NDRG4: variants seen among roughly 807,000 people sequenced by gnomAD.
NDRG4 encodes the protein NDRG family member 4.
NDRG4 carries 38 observed loss-of-function variants against 55.8 expected under a neutral mutation model. The observed-to-expected ratio is 0.68, with a 90% CI of 0.53 to 0.89. The LOEUF is 0.89. NDRG4 is among the 40% of genes least tolerant of loss of function. The probability of loss-of-function intolerance (pLI) is 0.00; values close to 1 mark genes in which losing one functional copy is unlikely to be tolerated. For synonymous variants in NDRG4, 190 were observed against 182.7 expected (o/e 1.04, Z -0.32); for missense variants, 455 against 468.6 (o/e 0.97, Z 0.27).
In NDRG4 at chr16:58,503,669, T is replaced by A. The variant is rs759540411; in HGVS notation, c.22-129T>A. ...CCTCTCTGGGGGCTTCTTGGGGTGA[T>A]GAGAACAGGATGCCCCAAGTAGGGG... On this transcript the variant is annotated intron_variant, in intron 1 of 14. Coordinates refer to ENST00000570248, the MANE Select transcript of NDRG4 (RefSeq NM_001242835.2). The A allele has an allele frequency of 2.0e-6, 3 of 1,536,914 alleles. No individual in the cohort carries two copies. In the Admixed American group the frequency reaches 5.9e-5, roughly 30 times the overall value.
chr16:58,512,156 G>A lies in NDRG4; in HGVS notation c.*580G>A. 1 of 454,520 alleles carries A rather than the reference G, an allele frequency of 2.2e-6. No individual in the cohort carries two copies. The highest frequency in any genetic ancestry group is 1.6e-5 in the South Asian group (1 of 64,192). 28.2% of individuals were successfully genotyped at this position (454,520 alleles called of 1,614,324 possible). A position where few individuals can be genotyped will look rare whatever the true frequency, so the allele number is the denominator to read the frequency against. ...GGTGCTGTAGGGCCACGCAGGCAGGGGCGTCAAGGGGTTTCTCTGCCCAAG... is the reference window on the plus strand; with the variant it reads ...GGTGCTGTAGGGCCACGCAGGCAGGAGCGTCAAGGGGTTTCTCTGCCCAAG... On this transcript the variant is annotated 3_prime_UTR_variant, in exon 15 of 15. Transcript: ENST00000570248.
At position 58,464,787 on chromosome 16, in the gene NDRG4, T is replaced by C; in HGVS notation, c.-24+990T>C. The C allele has an allele frequency of 7.8e-7, 1 of 1,279,786 alleles. No individual in the cohort carries two copies. The highest frequency in any genetic ancestry group is 9.9e-7 in the Non-Finnish European group (1 of 1,013,998). The allele number at this position is 1,279,786 out of a possible 1,614,324, so 79.3% of individuals were successfully genotyped here. On this transcript the variant is annotated intron_variant, in intron 1 of 15. Transcript: ENST00000258187. The surrounding 1 kb of genome is among the most constrained non-coding windows in gnomAD (Gnocchi z 4.8). ...CTCCTGCCCTCCAATCAGTGTCGCT[T>C]GTCCCCTAAGAAAGGACCCGTGGGC... is the stretch of plus-strand genomic sequence containing the variant.
intron 1 of NDRG4, among the ~76,000 whole-genome samples, chr16:58,479,828 G>C (rs750074728): frequency 1.3e-5 from 2 of 152,204 alleles, no homozygotes; most frequent in South Asian, 4.1e-4. Flanking sequence ...ATTGTTTCAC[G>C]TGCATTTCTC....
chr16:58,469,310 G>T (rs1260485498), intron 1 of NDRG4, among the ~76,000 whole-genome samples: 3 of 152,082 alleles, frequency 2.0e-5, no homozygotes, highest in African/African-American at 7.2e-5. Flanking sequence ...GCACGTACAT[G>T]GTTTAGTAAG....
At chr16:58,487,896 C>G in intron 2 of NDRG4, 1 of 1,423,182 alleles carries the variant, frequency 7.0e-7, no homozygotes, top group Non-Finnish European at 9.4e-7. Flanking sequence ...GAGCGCGCCA[C>G]CTCGTGGCCA....
downstream of NDRG4, chr16:58,515,368 T>TGGACTC (rs1165302244): frequency 4.3e-6 from 3 of 690,590 alleles, no homozygotes; most frequent in Non-Finnish European, 6.8e-6. Context: ...TTGGAGATCC[T>TGGACTC]GGACTCAAGA....
chr16:58,508,005 T>G lies in NDRG4; in HGVS notation c.729+6T>G. Reference sequence around the variant, plus strand: ...CACCCGCTGAGGACGGGGTGGTAAGTGAGGGGCTGTGGGCTCACTGGGGGT... The same window carrying G: ...CACCCGCTGAGGACGGGGTGGTAAGGGAGGGGCTGTGGGCTCACTGGGGGT... On this transcript the variant is annotated splice_donor_region_variant and intron_variant, in intron 10 of 14. Transcript: ENST00000570248. 1 of 1,545,094 alleles carries G rather than the reference T, an allele frequency of 6.5e-7. No individual in the cohort carries two copies. Among genetic ancestry groups the G allele is most frequent in the Non-Finnish European group, 8.8e-7 (1 of 1,140,258 alleles).
At chr16:58,473,524 C>T (rs1408267933) in intron 1 of NDRG4, among the ~76,000 whole-genome samples, 1 of 152,110 alleles carries the variant, frequency 6.6e-6, no homozygotes, top group Non-Finnish European at 1.5e-5. Context: ...AGGTCTAAAA[C>T]CACACCCCTC....
At chr16:58,478,699 T>TTTTTG (rs1555528528) in intron 1 of NDRG4, among the ~76,000 whole-genome samples, 6 of 144,844 alleles carry the variant, frequency 4.1e-5, no homozygotes, top group African/African-American at 1.7e-4. Context: ...TGTTTTTTGT[T>TTTTTG]TTTTTTTTTT....
intron 1 of NDRG4, among the ~76,000 whole-genome samples, chr16:58,468,131 G>A (rs1567560573): frequency 6.6e-6 from 1 of 152,214 alleles, no homozygotes; most frequent in Non-Finnish European, 1.5e-5. Context: ...CCCCTCACAT[G>A]TGGGACTAGA....
At chr16:58,475,646 C>A (rs1416990136) in intron 1 of NDRG4, 1 of 456,042 alleles carries the variant, frequency 2.2e-6, no homozygotes, top group Non-Finnish European at 4.4e-6. Flanking sequence ...ATCATGGCTT[C>A]ATGATTCTCA....
chr16:58,505,115 C>T (rs1435729850), intron 5 of NDRG4, among the ~76,000 whole-genome samples: 2 of 152,028 alleles, frequency 1.3e-5, no homozygotes, highest in Non-Finnish European at 2.9e-5. Flanking sequence ...TTTGGGAGGC[C>T]AAGGTGGGCA....
chr16:58,492,062 G>A (rs188801879), intron 2 of NDRG4, among the ~76,000 whole-genome samples: 8 of 152,282 alleles, frequency 5.3e-5, no homozygotes, highest in Non-Finnish European at 8.8e-5. Context: ...GATTACAATC[G>A]TGAGCCACTT....
At chr16:58,465,296 C>A in intron 1 of NDRG4, 1 of 454,290 alleles carries the variant, frequency 2.2e-6, no homozygotes, top group Non-Finnish European at 4.3e-6. Context: ...ACCTTAATGT[C>A]CGATGAGGGA....
intron 10 of NDRG4, among the ~76,000 whole-genome samples, chr16:58,508,410 G>T (rs538316657): frequency 6.6e-6 from 1 of 152,332 alleles, no homozygotes; most frequent in South Asian, 2.1e-4. Flanking sequence ...TATGTTTGGG[G>T]GCCGTGTGTC....
chr16:58,489,258 G>A (rs1373299473), intron 2 of NDRG4, among the ~76,000 whole-genome samples: 1 of 151,828 alleles, frequency 6.6e-6, no homozygotes, highest in African/African-American at 2.4e-5. Flanking sequence ...CTCCAGCCTG[G>A]GCAACAGAGC....
rs575489838 is a variant in NDRG4, at chr16:58,501,130, C to T, written c.21+861C>T. On this transcript the variant is annotated intron_variant, in intron 1 of 14. Transcript: ENST00000570248. ...GGGAGAGGCAGGGGCAGACTCACCCCCACCCCCGGGCCCCACACGCCTGCC... is the reference window on the plus strand; with the variant it reads ...GGGAGAGGCAGGGGCAGACTCACCCTCACCCCCGGGCCCCACACGCCTGCC... The T allele has an allele frequency of 1.7e-5, 20 of 1,163,074 alleles. No individual in the cohort carries two copies. The Admixed American group carries it at 2.1e-4, about 12-fold the overall frequency. The allele number at this position is 1,163,074 out of a possible 1,614,324, so 72.0% of individuals were successfully genotyped here. A position where few individuals can be genotyped will look rare whatever the true frequency, so the allele number is the denominator to read the frequency against.
intron 5 of NDRG4, 146 bp downstream of exon 5, chr16:58,504,795 C>A (rs2037636641): frequency 2.6e-6 from 2 of 762,412 alleles, no homozygotes; most frequent in East Asian, 2.8e-5. Context: ...ATGTAGAAAA[C>A]CTCTTTTTTC....
chr16:58,481,990 G>A (rs8045109), intron 1 of NDRG4, among the ~76,000 whole-genome samples: 121,829 of 152,004 alleles, frequency 0.8, 51,812 homozygotes, highest in Non-Finnish European at 0.94. Context: ...GTGTAGCGTC[G>A]GGTAGGGTGG....
Sources: gnomAD v4.1 joint callset for allele counts (sites outside exome capture counted in the v4.1 genomes callset) on GRCh38, gnomAD v4.1.1 for gene constraint, Gnocchi (gnomAD v3.1) non-coding constraint, MANE v1.5 for transcripts, NCBI Gene and HGNC (gene_info 2026-07-23, HGNC 2026-07-21) for gene names.